Variants in SYNPR observed in about 807,000 individuals in gnomAD.
SYNPR encodes synaptoporin.
SYNPR carries 23 observed loss-of-function variants against 32.9 expected under a neutral mutation model. That is an observed-to-expected ratio of 0.70 (90% CI 0.50 to 0.99). The LOEUF is 0.99. Among genes scored for constraint, SYNPR ranks in the 50% least tolerant of loss-of-function variants. SYNPR has a pLI of 0.00. For synonymous variants in SYNPR, 146 were observed against 135.9 expected (o/e 1.07, Z -0.52); for missense variants, 318 against 349.3 (o/e 0.91, Z 0.71).
chr3:63,310,389 T>C (rs1047185656), intron 2 of SYNPR, among the ~76,000 whole-genome samples: 2 of 152,068 alleles, frequency 1.3e-5, no homozygotes, highest in Admixed American at 6.6e-5. Flanking sequence ...GTTCAAATCA[T>C]AGTCATTAAA....
At chr3:63,349,908 C>A (rs1301191974) in intron 2 of SYNPR, among the ~76,000 whole-genome samples, 1 of 151,980 alleles carries the variant, frequency 6.6e-6, no homozygotes, top group Non-Finnish European at 1.5e-5. Context: ...TTAACAAAGG[C>A]AAATGCAAAA....
At chr3:63,321,233 C>T (rs1208917544) in intron 2 of SYNPR, among the ~76,000 whole-genome samples, 2 of 152,004 alleles carry the variant, frequency 1.3e-5, no homozygotes, top group Non-Finnish European at 2.9e-5. Context: ...ACTTCAAGGG[C>T]CTTAGTCCAT....
chr3:63,415,942 G>A (rs181031909), intron 2 of SYNPR, among the ~76,000 whole-genome samples: 1 of 152,198 alleles, frequency 6.6e-6, no homozygotes, highest in Non-Finnish European at 1.5e-5. Context: ...GCACTTTAAA[G>A]TTGCCTGATT....
upstream of SYNPR, among the ~76,000 whole-genome samples, chr3:63,226,191 C>CA (rs993866964): frequency 9.3e-5 from 14 of 150,696 alleles, no homozygotes; most frequent in Admixed American, 1.3e-4. Flanking sequence ...ATTTAAAAGA[C>CA]AAAAAACAAC....
chr3:63,535,442 A>G (rs1702185789), intron 3 of SYNPR, among the ~76,000 whole-genome samples: 1 of 152,140 alleles, frequency 6.6e-6, no homozygotes, highest in Non-Finnish European at 1.5e-5. Context: ...ATACAGAAGA[A>G]AAAAGAACTG....
At chr3:63,433,452 T>C (rs1700026425) in intron 2 of SYNPR, among the ~76,000 whole-genome samples, 1 of 152,216 alleles carries the variant, frequency 6.6e-6, no homozygotes, top group African/African-American at 2.4e-5. Flanking sequence ...TGCGTGAGAA[T>C]GAACAGTTCA....
At chr3:63,360,367 T>C (rs924130898) in intron 2 of SYNPR, among the ~76,000 whole-genome samples, 1 of 152,174 alleles carries the variant, frequency 6.6e-6, no homozygotes, top group Non-Finnish European at 1.5e-5. Context: ...AACTGGACCA[T>C]TGTGATGACT....
chr3:63,354,506 T>C (rs1383983569), intron 2 of SYNPR, among the ~76,000 whole-genome samples: 2 of 152,176 alleles, frequency 1.3e-5, no homozygotes, highest in Non-Finnish European at 2.9e-5. Context: ...GCTCTTCTCA[T>C]GGTGATGGCA....
chr3:63,242,722 G>A (rs1575573812), intron 1 of SYNPR, among the ~76,000 whole-genome samples: 1 of 152,032 alleles, frequency 6.6e-6, no homozygotes, highest in South Asian at 2.1e-4. Flanking sequence ...TGAATTGCTG[G>A]ATGAGGAGTG....
At chr3:63,425,284 G>C (rs975456049) in intron 2 of SYNPR, among the ~76,000 whole-genome samples, 2 of 152,182 alleles carry the variant, frequency 1.3e-5, no homozygotes, top group African/African-American at 4.8e-5. Flanking sequence ...CCAAAGAGTA[G>C]TCAGCTGATT....
At chr3:63,376,455 C>G (rs921358988) in intron 2 of SYNPR, among the ~76,000 whole-genome samples, 5 of 152,250 alleles carry the variant, frequency 3.3e-5, no homozygotes, top group Admixed American at 1.3e-4. Context: ...TTTCTCATCT[C>G]TCTACCTCAC....
chr3:63,490,155 T>C (rs1167039788), intron 3 of SYNPR, among the ~76,000 whole-genome samples: 1 of 152,024 alleles, frequency 6.6e-6, no homozygotes, highest in Non-Finnish European at 1.5e-5. Context: ...GCCTCAAAGA[T>C]GTCTGAGGGG....
chr3:63,278,841 C>G, intron 2 of SYNPR, 99 bp downstream of exon 2: 1 of 1,311,478 alleles, frequency 7.6e-7, no homozygotes, highest in Non-Finnish European at 1.0e-6. Flanking sequence ...TGCTCCAAGC[C>G]GGAGATTCAA....
At chr3:63,465,789 TA>T (rs1700667400) in intron 2 of SYNPR, among the ~76,000 whole-genome samples, 1 of 152,096 alleles carries the variant, frequency 6.6e-6, no homozygotes, top group African/African-American at 2.4e-5. Flanking sequence ...TGTCATCAAA[TA>T]TCTACACATT....
At chr3:63,340,671 G>A (rs11706534) in intron 2 of SYNPR, among the ~76,000 whole-genome samples, 5,688 of 151,862 alleles carry the variant, frequency 0.037, 207 homozygotes, top group South Asian at 0.12. Flanking sequence ...TGCCCGCCTC[G>A]GCCTCCCAAA....
At chr3:63,344,553 T>TTG (rs2087412373) in intron 2 of SYNPR, among the ~76,000 whole-genome samples, 1 of 148,754 alleles carries the variant, frequency 6.7e-6, no homozygotes, top group Admixed American at 6.7e-5. Context: ...AAAAAAGATT[T>TTG]TTTTTTTTTT....
intron 2 of SYNPR, among the ~76,000 whole-genome samples, chr3:63,475,431 T>C (rs1320379074): frequency 2.0e-5 from 3 of 152,100 alleles, no homozygotes; most frequent in African/African-American, 4.8e-5. Flanking sequence ...TAAGAAAAGA[T>C]GGGAATACAG....
chr3:63,413,656 C>T (rs969061072), intron 2 of SYNPR, among the ~76,000 whole-genome samples: 2 of 152,164 alleles, frequency 1.3e-5, no homozygotes, highest in African/African-American at 2.4e-5. Flanking sequence ...AATAGCAACA[C>T]TCTGCATACT....
chr3:63,351,260 C>T (rs1286277110), intron 2 of SYNPR, among the ~76,000 whole-genome samples: 1 of 152,168 alleles, frequency 6.6e-6, no homozygotes, highest in Non-Finnish European at 1.5e-5. Flanking sequence ...TTTTCCTCTG[C>T]TTACTTCATC....
Sources: gnomAD v4.1 joint callset for allele counts (sites outside exome capture counted in the v4.1 genomes callset) on GRCh38, gnomAD v4.1.1 for gene constraint, MANE v1.5 for transcripts, NCBI Gene and HGNC (gene_info 2026-07-23, HGNC 2026-07-21) for gene names.